CD28: variants seen among roughly 807,000 people sequenced by gnomAD.
CD28 encodes the protein CD28 molecule, also known as T-cell-specific surface glycoprotein CD28.
A neutral mutation model predicts 21.4 loss-of-function variants in CD28; 8 were observed. The ratio of observed to expected loss-of-function variants is 0.37; its 90% CI spans 0.22 to 0.68. CD28 has a LOEUF of 0.68. CD28 is among the 30% of genes least tolerant of loss of function. The probability of loss-of-function intolerance (pLI) is 0.55; values close to 1 mark genes in which losing one functional copy is unlikely to be tolerated. For missense variants in CD28, 239 were observed against 272.2 expected (o/e 0.88, Z 0.86); for synonymous variants, 106 against 104.0 (o/e 1.02, Z -0.12).
intron 3 of CD28, among the ~76,000 whole-genome samples, chr2:203,731,063 T>C (rs1693877318): frequency 6.6e-6 from 1 of 152,204 alleles, no homozygotes; most frequent in Non-Finnish European, 1.5e-5. Flanking sequence ...TGGACATTTG[T>C]CAGGCTGCCT....
At position 203,737,509 on chromosome 2, in the gene CD28, T is replaced by C. The variant is rs1318897727; in HGVS notation, c.*2597T>C. The C allele has an allele frequency of 6.6e-6, 1 of 152,516 alleles. No homozygotes were observed. Among genetic ancestry groups the C allele is most frequent in the Non-Finnish European group, 1.5e-5 (1 of 68,010 alleles). 9.4% of individuals were successfully genotyped at this position (152,516 alleles called of 1,614,324 possible). A position where few individuals can be genotyped will look rare whatever the true frequency, so the allele number is the denominator to read the frequency against. On this transcript the variant is annotated 3_prime_UTR_variant, in exon 4 of 4. Coordinates refer to ENST00000324106, the MANE Select transcript of CD28 (RefSeq NM_006139.4). ...ACTGGAAAAATAGGCCTACTAAAGA[T>C]GAATCACACTTGAGATGTTTCTTAC...
intron 1 of CD28, among the ~76,000 whole-genome samples, chr2:203,722,796 A>T (rs1199332674): frequency 1.3e-5 from 2 of 152,246 alleles, no homozygotes; most frequent in African/African-American, 4.8e-5. Flanking sequence ...AGGAGTTAGT[A>T]GACAAGGCAT....
intron 1 of CD28, among the ~76,000 whole-genome samples, chr2:203,712,150 T>C (rs1693331284): frequency 6.6e-6 from 1 of 151,704 alleles, no homozygotes. Flanking sequence ...AGAGATTGTG[T>C]CAATGCACTC....
chr2:203,729,064 T>C (rs1402808281), intron 2 of CD28, among the ~76,000 whole-genome samples: 1 of 152,206 alleles, frequency 6.6e-6, no homozygotes, highest in Non-Finnish European at 1.5e-5. Context: ...TGGTATGCTT[T>C]CTAGTTCTAA....
rs1283402284 is a variant in CD28, at chr2:203,735,911, G to A, written c.*999G>A. The A allele has an allele frequency of 6.6e-6, 1 of 152,196 alleles. No homozygotes were observed. Among genetic ancestry groups the A allele is most frequent in the African/African-American group, 2.4e-5 (1 of 41,412 alleles). 9.4% of individuals were successfully genotyped at this position (152,196 alleles called of 1,614,324 possible). On this transcript the variant is annotated 3_prime_UTR_variant, in exon 4 of 4. Coordinates refer to ENST00000324106, the MANE Select transcript of CD28 (RefSeq NM_006139.4). ...TAATCCCAGCTGCCCAAGAGGCTGAGGCATGAGAATCGCTTGAACCTGGCA... is the reference window on the plus strand; with the variant it reads ...TAATCCCAGCTGCCCAAGAGGCTGAAGCATGAGAATCGCTTGAACCTGGCA...
At position 203,737,775 on chromosome 2, in the gene CD28, GA is replaced by G. The variant is rs145925419; in HGVS notation, c.*2864del. 9.8e-4 allele frequency: 150 copies of G among 152,700 alleles called. No individual in the cohort carries two copies. The highest frequency in any genetic ancestry group is 3.4e-3 in the African/African-American group (142 of 41,548). The allele number at this position is 152,700 out of a possible 1,614,324, so 9.5% of individuals were successfully genotyped here. On this transcript the variant is annotated 3_prime_UTR_variant, in exon 4 of 4. Transcript: ENST00000324106. ...TTTGGGTTAAGCATGCCAATTTAAAGAGACCAAGTGTATGTACATTATGTTC... is the reference window on the plus strand; with the variant it reads ...TTTGGGTTAAGCATGCCAATTTAAAGGACCAAGTGTATGTACATTATGTTC...
At chr2:203,712,716 C>T (rs1693350793) in intron 1 of CD28, among the ~76,000 whole-genome samples, 2 of 152,100 alleles carry the variant, frequency 1.3e-5, no homozygotes, top group African/African-American at 4.8e-5. Flanking sequence ...AAAATAAATA[C>T]TCGTAAGATT....
intron 1 of CD28, among the ~76,000 whole-genome samples, chr2:203,720,591 G>C (rs1693581238): frequency 1.3e-5 from 2 of 152,106 alleles, no homozygotes; most frequent in African/African-American, 2.4e-5. Context: ...TACATATTTG[G>C]GTTTCTTCTG....
chr2:203,709,387 T>G (rs1026125873), intron 1 of CD28, among the ~76,000 whole-genome samples: 5 of 152,192 alleles, frequency 3.3e-5, no homozygotes, highest in African/African-American at 1.2e-4. Context: ...TGAAGAATAG[T>G]TCTTTTTTCC....
intron 1 of CD28, among the ~76,000 whole-genome samples, chr2:203,716,014 G>A (rs1365464989): frequency 1.3e-5 from 2 of 152,126 alleles, no homozygotes; most frequent in African/African-American, 2.4e-5. Flanking sequence ...CACTCCTCAA[G>A]GCTGTGCTAA....
Position 203,737,185 on chromosome 2 carries a change from C to T in CD28, c.*2273C>T, listed in dbSNP as rs151215076. On this transcript the variant is annotated 3_prime_UTR_variant, in exon 4 of 4. Coordinates refer to ENST00000324106, the MANE Select transcript of CD28 (RefSeq NM_006139.4). ...GGGAGGAGTAGGAATCTTGAGATTCCAGATCGAAAATACTGTACTTTGGTT... is the reference window on the plus strand; with the variant it reads ...GGGAGGAGTAGGAATCTTGAGATTCTAGATCGAAAATACTGTACTTTGGTT... The T allele has an allele frequency of 3.3e-5, 5 of 151,874 alleles. No individual in the cohort carries two copies. The East Asian group carries it at 7.7e-4, about 24-fold the overall frequency. 9.4% of individuals were successfully genotyped at this position (151,874 alleles called of 1,614,324 possible). A position where few individuals can be genotyped will look rare whatever the true frequency, so the allele number is the denominator to read the frequency against.
At chr2:203,731,223 T>C (rs1357090549) in intron 3 of CD28, among the ~76,000 whole-genome samples, 1 of 152,246 alleles carries the variant, frequency 6.6e-6, no homozygotes, top group Non-Finnish European at 1.5e-5. Context: ...TATTGTAAAA[T>C]GTTGCCTGAA....
intron 1 of CD28, among the ~76,000 whole-genome samples, chr2:203,713,789 T>C (rs1468929934): frequency 6.6e-6 from 1 of 151,172 alleles, no homozygotes; most frequent in African/African-American, 2.4e-5. Flanking sequence ...AATGGCTGAG[T>C]GACTTAAGTA....
chr2:203,721,496 T>C (rs533189916), intron 1 of CD28, among the ~76,000 whole-genome samples: 6 of 152,162 alleles, frequency 3.9e-5, no homozygotes, highest in African/African-American at 1.4e-4. Flanking sequence ...ACTCTTTTTC[T>C]CTCTTTGTCT....
At chr2:203,732,338 G>A (rs1693916530) in intron 3 of CD28, among the ~76,000 whole-genome samples, 1 of 152,158 alleles carries the variant, frequency 6.6e-6, no homozygotes, top group Non-Finnish European at 1.5e-5. Flanking sequence ...CTTTGGTCAA[G>A]CTGTCACAGG....
intron 1 of CD28, among the ~76,000 whole-genome samples, chr2:203,717,753 C>T (rs1180921916): frequency 6.6e-6 from 1 of 152,128 alleles, no homozygotes; most frequent in Non-Finnish European, 1.5e-5. Flanking sequence ...ATTTTGGTAT[C>T]TGCAGGGGTC....
chr2:203,736,518 A>G lies in CD28; in HGVS notation c.*1606A>G, dbSNP rs1694041351. On this transcript the variant is annotated 3_prime_UTR_variant, in exon 4 of 4. Coordinates refer to ENST00000324106, the MANE Select transcript of CD28 (RefSeq NM_006139.4). ...TTGGAATGTGTCTTTTGAAGAGAGC[A>G]TCAGAGTTCTTAAGGGACTGGGTAA... 1 of 152,278 alleles carries G rather than the reference A, an allele frequency of 6.6e-6. No homozygotes were observed. Among genetic ancestry groups the G allele is most frequent in the Admixed American group, 6.5e-5 (1 of 15,290 alleles). The allele number at this position is 152,278 out of a possible 1,614,324, so 9.4% of individuals were successfully genotyped here.
intron 3 of CD28, 46 bp downstream of exon 3, chr2:203,729,818 G>T (rs376179753): frequency 6.3e-7 from 1 of 1,596,828 alleles, no homozygotes; most frequent in African/African-American, 1.3e-5. Context: ...CACTGCACAT[G>T]AAATCTGAAC....
chr2:203,726,150 G>A (rs1256575057), intron 1 of CD28, among the ~76,000 whole-genome samples: 3 of 152,156 alleles, frequency 2.0e-5, no homozygotes, highest in African/African-American at 7.2e-5. Context: ...GGTGGAGGTT[G>A]CAGTGAGCTG....
Sources: allele counts gnomAD v4.1 joint callset (sites outside exome capture counted in the v4.1 genomes callset), GRCh38; gene constraint gnomAD v4.1.1; transcripts MANE v1.5; gene names NCBI Gene and HGNC (gene_info 2026-07-23, HGNC 2026-07-21).